Variants in TMEM132D observed in about 807,000 individuals in gnomAD.
The protein encoded by TMEM132D is mature OL transmembrane protein.
A neutral mutation model predicts 62.3 loss-of-function variants in TMEM132D; 21 were observed. The ratio of observed to expected loss-of-function variants is 0.34; its 90% CI spans 0.24 to 0.49. TMEM132D has a LOEUF of 0.49. TMEM132D is among the 20% of genes least tolerant of loss of function. The pLI, the probability that TMEM132D is intolerant of heterozygous loss-of-function variation, is 0.99. For missense variants in TMEM132D, 1,346 were observed against 1,402.8 expected (o/e 0.96, Z 0.65); for synonymous variants, 621 against 575.6 (o/e 1.08, Z -1.13).
intron 3 of TMEM132D, among the ~76,000 whole-genome samples, chr12:129,469,601 T>C (rs1874033809): frequency 6.6e-6 from 1 of 152,184 alleles, no homozygotes; most frequent in African/African-American, 2.4e-5. Flanking sequence ...CCCTGCTCTG[T>C]CTCAGGTATA....
chr12:129,681,163 C>T (rs1453898016), intron 2 of TMEM132D, among the ~76,000 whole-genome samples: 1 of 152,198 alleles, frequency 6.6e-6, no homozygotes, highest in East Asian at 1.9e-4. Flanking sequence ...GGTGTATCTA[C>T]TCTCATCTGT....
rs566443606 is a variant in TMEM132D, at chr12:129,653,816, G to A, written c.968+45994C>T. Among the ~76,000 whole-genome samples, 23 of 152,296 alleles carry A rather than the reference G, an allele frequency of 1.5e-4. No individual in the cohort carries two copies. The South Asian group carries it at 4.1e-3, about 27-fold the overall frequency. The stretch of plus-strand genomic sequence containing the variant: ...AGATCTTACGTGAGCCGGTACATTT[G>A]CTGCAATCAACGACCCAATAGTGGG... On this transcript the variant is annotated intron_variant, in intron 2 of 8. Coordinates refer to ENST00000422113, the MANE Select transcript of TMEM132D (RefSeq NM_133448.3).
intron 1 of TMEM132D, among the ~76,000 whole-genome samples, chr12:129,768,801 T>C (rs1462403510): frequency 6.6e-6 from 1 of 152,190 alleles, no homozygotes; most frequent in Non-Finnish European, 1.5e-5. Context: ...AAGCCACAAA[T>C]AAATTGGGCT....
intron 2 of TMEM132D, among the ~76,000 whole-genome samples, chr12:129,613,860 A>G (rs893216249): frequency 6.7e-6 from 1 of 149,242 alleles, no homozygotes; most frequent in East Asian, 2.0e-4. Context: ...CCAGAACCCA[A>G]CCAGCTCCAG....
intron 1 of TMEM132D, among the ~76,000 whole-genome samples, chr12:129,844,440 G>A (rs1468457564): frequency 6.6e-6 from 1 of 152,160 alleles, no homozygotes; most frequent in Non-Finnish European, 1.5e-5. Flanking sequence ...CATATCTCTT[G>A]TAGTGTATCT....
At chr12:129,701,747 T>TA (rs969508466) in intron 1 of TMEM132D, among the ~76,000 whole-genome samples, 1 of 152,204 alleles carries the variant, frequency 6.6e-6, no homozygotes, top group African/African-American at 2.4e-5. Context: ...ACTGACTTTC[T>TA]AGGCAAAGCT....
intron 5 of TMEM132D, among the ~76,000 whole-genome samples, chr12:129,117,290 A>G (rs1346552823): frequency 6.6e-6 from 1 of 152,082 alleles, no homozygotes; most frequent in African/African-American, 2.4e-5. Flanking sequence ...GGGAGGAATG[A>G]ATAGATGGAG....
intron 2 of TMEM132D, among the ~76,000 whole-genome samples, chr12:129,642,089 A>C (rs1422705545): frequency 2.0e-5 from 3 of 152,070 alleles, no homozygotes; most frequent in African/African-American, 7.2e-5. Context: ...GCTAGCCAGG[A>C]GGCCTGCAGC....
intron 5 of TMEM132D, among the ~76,000 whole-genome samples, chr12:129,102,475 TCA>T (rs1198831283): frequency 7.4e-6 from 1 of 135,724 alleles, no homozygotes; most frequent in Non-Finnish European, 1.6e-5. Flanking sequence ...ACACATGTAC[TCA>T]CACAATGCAC....
intron 3 of TMEM132D, among the ~76,000 whole-genome samples, chr12:129,481,919 G>A (rs561624461): frequency 3.9e-5 from 6 of 152,324 alleles, no homozygotes; most frequent in Admixed American, 1.3e-4. Context: ...GGGCTTGGCC[G>A]TGAGGCCTGC....
In TMEM132D at chr12:129,074,929, G is replaced by A. The variant is rs1874202867; in HGVS notation, c.2246C>T (p.Pro749Leu). The change falls in exon 9 of 9, where the codon CCC (proline) becomes CTC (leucine). Residue 749 changes from proline to leucine, a missense_variant. Coordinates refer to ENST00000422113, the MANE Select transcript of TMEM132D (RefSeq NM_133448.3). ...DEKVVSIHQD[P>L]KFKWPIIAAE... ...AGCAATGATAGGCCACTTGAATTTG[G>A]GGTCTTGGTGGATGGAGACTACCTT... The A allele has an allele frequency of 1.9e-6, 3 of 1,613,878 alleles. No homozygotes were observed. Among genetic ancestry groups the A allele is most frequent in the African/African-American group, 1.3e-5 (1 of 74,844 alleles).
intron 3 of TMEM132D, among the ~76,000 whole-genome samples, chr12:129,429,347 G>C (rs1246923429): frequency 6.6e-6 from 1 of 151,732 alleles, no homozygotes; most frequent in African/African-American, 2.4e-5. Flanking sequence ...GGATTTAATA[G>C]AGGAAATTGC....
At chr12:129,760,345 T>G (rs1489566616) in intron 1 of TMEM132D, among the ~76,000 whole-genome samples, 2 of 86,616 alleles carry the variant, frequency 2.3e-5, no homozygotes, top group African/African-American at 7.2e-5. Context: ...TTTTTTTTTT[T>G]TTTTGAGATG....
intron 3 of TMEM132D, among the ~76,000 whole-genome samples, chr12:129,424,699 C>A (rs2135712834): frequency 9.5e-6 from 1 of 105,140 alleles, no homozygotes; most frequent in Non-Finnish European, 1.8e-5. Flanking sequence ...CAGAGCGAGA[C>A]TCCATCTCAA....
chr12:129,681,927 TA>T, intron 2 of TMEM132D, among the ~76,000 whole-genome samples: 1 of 152,280 alleles, frequency 6.6e-6, no homozygotes, highest in Non-Finnish European at 1.5e-5. Context: ...GTTTTTCACT[TA>T]AAAAAATCAG....
chr12:129,453,159 C>T (rs1352346991), intron 3 of TMEM132D, among the ~76,000 whole-genome samples: 3 of 152,192 alleles, frequency 2.0e-5, no homozygotes, highest in South Asian at 2.1e-4. Context: ...GTGCTTGAAA[C>T]AGTCTGAAAC....
chr12:129,781,409 T>C (rs1871115870), intron 1 of TMEM132D, among the ~76,000 whole-genome samples: 2 of 152,184 alleles, frequency 1.3e-5, no homozygotes, highest in African/African-American at 2.4e-5. Flanking sequence ...AAACAAGTGA[T>C]TGTAACATAT....
At chr12:129,400,607 C>T (rs142623879) in intron 3 of TMEM132D, among the ~76,000 whole-genome samples, 20 of 152,212 alleles carry the variant, frequency 1.3e-4, no homozygotes, top group East Asian at 3.9e-4. Context: ...ACTATTTTGA[C>T]GACAAAAACT....
intron 1 of TMEM132D, among the ~76,000 whole-genome samples, chr12:129,718,376 T>C (rs954014594): frequency 6.6e-6 from 1 of 152,112 alleles, no homozygotes; most frequent in African/African-American, 2.4e-5. Flanking sequence ...CCAGAGGACA[T>C]GGAGGAACGA....
Sources: gnomAD v4.1 joint callset for allele counts (sites outside exome capture counted in the v4.1 genomes callset) on GRCh38, gnomAD v4.1.1 for gene constraint, MANE v1.5 for transcripts, NCBI Gene and HGNC (gene_info 2026-07-23, HGNC 2026-07-21) for gene names.